Variants in LRP1B observed in about 807,000 individuals in gnomAD.
LRP1B encodes the protein low-density lipoprotein receptor-related protein 1B.
A neutral mutation model predicts 556.6 loss-of-function variants in LRP1B; 217 were observed. The ratio of observed to expected loss-of-function variants is 0.39; its 90% CI spans 0.35 to 0.44. LRP1B has a LOEUF of 0.44. Among genes scored for constraint, LRP1B ranks in the 20% least tolerant of loss-of-function variants. The pLI, the probability that LRP1B is intolerant of heterozygous loss-of-function variation, is 1.00. For missense variants in LRP1B, 5,053 were observed against 5,620.8 expected (o/e 0.90, Z 3.23); for synonymous variants, 2,047 against 1,865.8 (o/e 1.10, Z -2.50).
chr2:141,692,984 C>A (rs1404832937), intron 2 of LRP1B, among the ~76,000 whole-genome samples: 1 of 151,910 alleles, frequency 6.6e-6, no homozygotes, highest in Non-Finnish European at 1.5e-5. Context: ...AATGAGAGAT[C>A]CATTGTTCAA....
At chr2:141,118,558 TGAGAGC>T (rs748021438) in intron 7 of LRP1B, among the ~76,000 whole-genome samples, 12 of 152,104 alleles carry the variant, frequency 7.9e-5, no homozygotes, top group Admixed American at 6.6e-4. Flanking sequence ...TCTCATTTTC[TGAGAGC>T]GAAGAGATTG....
At chr2:141,780,280 G>T (rs568150987) in intron 2 of LRP1B, among the ~76,000 whole-genome samples, 1 of 151,852 alleles carries the variant, frequency 6.6e-6, no homozygotes, top group African/African-American at 2.4e-5. Flanking sequence ...TTAAAAAGTA[G>T]TAGTTTTAAA....
intron 41 of LRP1B, among the ~76,000 whole-genome samples, chr2:140,656,593 C>T (rs1246951708): frequency 2.0e-5 from 3 of 151,994 alleles, no homozygotes; most frequent in Non-Finnish European, 2.9e-5. Flanking sequence ...ATTGCTTTGT[C>T]GAAACTACTG....
intron 7 of LRP1B, among the ~76,000 whole-genome samples, chr2:141,109,627 T>A (rs569552344): frequency 1.3e-5 from 2 of 150,624 alleles, no homozygotes; most frequent in South Asian, 4.2e-4. Flanking sequence ...TGAGAGTTAC[T>A]TGCCTAAGTG....
rs1685312607 is a variant in LRP1B at position 141,276,757 on chromosome 2, C to T, written c.344-22116G>A. ...CTGCAAGCTCCGCCTCCCCGGTTCA[C>T]GCCATTCTCCTGCCTCAGCCTCCCG... On this transcript the variant is annotated intron_variant, in intron 3 of 90. Transcript: ENST00000389484. Among the ~76,000 whole-genome samples, 3 of 150,902 alleles carry T rather than the reference C, an allele frequency of 2.0e-5. 1 individual carries two copies. Among genetic ancestry groups the T allele is most frequent in the South Asian group, 4.2e-4 (2 of 4,778 alleles).
At chr2:140,389,184 A>G (rs1683900469) in intron 66 of LRP1B, among the ~76,000 whole-genome samples, 1 of 152,140 alleles carries the variant, frequency 6.6e-6, no homozygotes, top group African/African-American at 2.4e-5. Context: ...TGGTACTGGT[A>G]ATAAATTTGA....
At chr2:141,625,537 T>A (rs1297988250) in intron 2 of LRP1B, among the ~76,000 whole-genome samples, 1 of 152,198 alleles carries the variant, frequency 6.6e-6, no homozygotes, top group Non-Finnish European at 1.5e-5. Context: ...TTTTATTTGT[T>A]ACTGAAAGAA....
At chr2:141,104,882 T>G (rs1337763505) in intron 7 of LRP1B, among the ~76,000 whole-genome samples, 1 of 152,038 alleles carries the variant, frequency 6.6e-6, no homozygotes, top group African/African-American at 2.4e-5. Flanking sequence ...TATGATCTTT[T>G]CTACTGGCAG....
chr2:141,001,135 A>G (rs1026553811), intron 15 of LRP1B, among the ~76,000 whole-genome samples: 1 of 152,230 alleles, frequency 6.6e-6, no homozygotes, highest in African/African-American at 2.4e-5. Context: ...ACTTCCTACA[A>G]TGATAAAGAA....
At chr2:141,243,949 T>C (rs948611623) in intron 5 of LRP1B, among the ~76,000 whole-genome samples, 2 of 152,206 alleles carry the variant, frequency 1.3e-5, no homozygotes, top group African/African-American at 4.8e-5. Flanking sequence ...TTATGAATTT[T>C]ACTCGGGTTC....
At chr2:140,542,024 C>T (rs1006170978) in intron 43 of LRP1B, 53 bp from the exon 44 acceptor site, 67 of 1,159,816 alleles carry the variant, frequency 5.8e-5, no homozygotes, top group Middle Eastern at 2.4e-4. Context: ...GACATTTATA[C>T]GTCCACACCT....
chr2:141,582,253 C>T (rs894092145), intron 2 of LRP1B, among the ~76,000 whole-genome samples: 1 of 152,134 alleles, frequency 6.6e-6, no homozygotes, highest in Non-Finnish European at 1.5e-5. Context: ...CCAAACAGGG[C>T]ATTGATAGTT....
intron 1 of LRP1B, among the ~76,000 whole-genome samples, chr2:142,060,830 T>C (rs1042007025): frequency 2.0e-5 from 3 of 152,046 alleles, no homozygotes; most frequent in African/African-American, 7.2e-5. Flanking sequence ...AGCAATTAAT[T>C]TGTCAATAAA....
intron 1 of LRP1B, among the ~76,000 whole-genome samples, chr2:142,114,360 C>G (rs187680418): frequency 6.6e-6 from 1 of 152,036 alleles, no homozygotes; most frequent in Non-Finnish European, 1.5e-5. Flanking sequence ...TCAATTATTG[C>G]AGTGAATATT....
At chr2:140,793,167 A>T (rs1690182037) in intron 32 of LRP1B, among the ~76,000 whole-genome samples, 1 of 151,982 alleles carries the variant, frequency 6.6e-6, no homozygotes, top group Non-Finnish European at 1.5e-5. Flanking sequence ...TTTATTGTAG[A>T]ATCATAAGTC....
chr2:140,964,785 T>A (rs903928282), intron 18 of LRP1B, among the ~76,000 whole-genome samples: 1 of 152,210 alleles, frequency 6.6e-6, no homozygotes, highest in Admixed American at 6.5e-5. Context: ...TTTATTATAC[T>A]GGAACAGCTC....
chr2:140,721,900 G>A (rs1191287486), intron 35 of LRP1B, among the ~76,000 whole-genome samples: 1 of 151,584 alleles, frequency 6.6e-6, no homozygotes, highest in African/African-American at 2.4e-5. Flanking sequence ...ATATATTTAA[G>A]TATATAAATT....
At chr2:142,066,681 T>G (rs544761259) in intron 1 of LRP1B, among the ~76,000 whole-genome samples, 1 of 151,572 alleles carries the variant, frequency 6.6e-6, no homozygotes, top group Non-Finnish European at 1.5e-5. Flanking sequence ...TTTCTACTAA[T>G]AGTCTGTTCA....
chr2:140,372,879 T>A (rs1558836761), intron 69 of LRP1B, 129 bp downstream of exon 69: 2 of 944,644 alleles, frequency 2.1e-6, no homozygotes, highest in East Asian at 4.9e-5. Context: ...TCCACAGATT[T>A]GCAGACCCTT....
Sources: gnomAD v4.1 joint callset for allele counts (sites outside exome capture counted in the v4.1 genomes callset) on GRCh38, gnomAD v4.1.1 for gene constraint, MANE v1.5 for transcripts, NCBI Gene and HGNC (gene_info 2026-07-23, HGNC 2026-07-21) for gene names.